MBNL2: variants seen among roughly 807,000 people sequenced by gnomAD.
The protein encoded by MBNL2 is muscleblind like splicing regulator 2.
Under a neutral mutation model 41.9 loss-of-function variants are expected in MBNL2, and 17 were observed. The ratio of observed to expected loss-of-function variants is 0.41; its 90% confidence interval spans 0.28 to 0.61. The LOEUF (loss-of-function observed/expected upper bound fraction) is 0.61. Among genes scored for constraint, MBNL2 ranks in the 20% least tolerant of loss-of-function variants. MBNL2 has a pLI of 0.35. For synonymous variants in MBNL2, 195 were observed against 182.9 expected (o/e 1.07, Z -0.53); for missense variants, 336 against 505.6 (o/e 0.66, Z 3.22).
At chr13:97,363,132 C>G (rs964877657) in intron 7 of MBNL2, 3 of 151,970 alleles carry the variant, frequency 2.0e-5, no homozygotes, top group African/African-American at 7.3e-5. Context: ...TGAGAAAGAT[C>G]AAAGTTTGTC....
At chr13:97,212,558 T>C in the MBNL2 span, among the ~76,000 whole-genome samples, 68 of 152,326 alleles carry the variant, frequency 4.5e-4, no homozygotes, top group African/African-American at 1.6e-3. Context: ...GGTGTCGCAG[T>C]AGAGAACATG....
chr13:97,207,906 T>A, the MBNL2 span, among the ~76,000 whole-genome samples: 3 of 152,196 alleles, frequency 2.0e-5, no homozygotes, highest in Non-Finnish European at 4.4e-5. Flanking sequence ...ACAAAGGGGC[T>A]ACAGGCCCCA....
At position 97,247,672 on chromosome 13, in the gene MBNL2, G is replaced by A. The variant is rs561165422; in HGVS notation, c.-605+25141G>A. Among the ~76,000 whole-genome samples, 464 of 152,248 alleles carry A rather than the reference G, an allele frequency of 3.0e-3. 2 individuals carry two copies. The highest frequency in any genetic ancestry group is 0.011 in the African/African-American group (439 of 41,536). ...AGAACTCTAATATTTTCTTTAGTGCGTTCATTAAACAGCTAAAAGAAAGCA... is the reference window on the plus strand; with the variant it reads ...AGAACTCTAATATTTTCTTTAGTGCATTCATTAAACAGCTAAAAGAAAGCA... On this transcript the variant is annotated intron_variant, in intron 1 of 8. Transcript: ENST00000679496.
intron 1 of MBNL2, among the ~76,000 whole-genome samples, chr13:97,226,115 T>A (rs73555734): frequency 6.6e-6 from 1 of 152,222 alleles, no homozygotes; most frequent in East Asian, 1.9e-4. Context: ...TGGCTGGGTC[T>A]GCATCAGGCC....
chr13:97,159,019 G>A, the MBNL2 span, among the ~76,000 whole-genome samples: 1 of 150,446 alleles, frequency 6.6e-6, no homozygotes, highest in Non-Finnish European at 1.5e-5. Context: ...CATTATTAAT[G>A]TGTGGGAGTC....
intron 2 of MBNL2, among the ~76,000 whole-genome samples, chr13:97,303,404 A>G (rs2057827530): frequency 6.6e-6 from 1 of 152,136 alleles, no homozygotes; most frequent in Admixed American, 6.5e-5. Flanking sequence ...GACCAGCAAA[A>G]TCATGGAGAA....
At chr13:97,273,291 A>C (rs2051465918) in intron 1 of MBNL2, among the ~76,000 whole-genome samples, 1 of 152,208 alleles carries the variant, frequency 6.6e-6, no homozygotes, top group Non-Finnish European at 1.5e-5. Context: ...GCAGGCAGAA[A>C]TATGTCCTTG....
intron 2 of MBNL2, among the ~76,000 whole-genome samples, chr13:97,308,528 G>T (rs1037226839): frequency 6.6e-6 from 1 of 152,180 alleles, no homozygotes; most frequent in African/African-American, 2.4e-5. Flanking sequence ...TAGTAAAAAT[G>T]ATGATGGCCC....
Position 97,393,770 on chromosome 13 carries a change from A to G in MBNL2, c.*2321A>G, listed in dbSNP as rs1413178667. The G allele has an allele frequency of 6.6e-6, 1 of 152,504 alleles. No individual in the cohort carries two copies. The highest frequency in any genetic ancestry group is 1.5e-5 in the Non-Finnish European group (1 of 67,970). 9.4% of individuals were successfully genotyped at this position (152,504 alleles called of 1,614,324 possible). A position where few individuals can be genotyped will look rare whatever the true frequency, so the allele number is the denominator to read the frequency against. On this transcript the variant is annotated 3_prime_UTR_variant, in exon 9 of 9. Coordinates refer to ENST00000679496, the MANE Select transcript of MBNL2 (RefSeq NM_001382683.1). ...TATATTCAGAAGTCTGACTATGATG[A>G]ATAAATCTTAAATGCTTTGTTTAAT...
At chr13:97,296,036 T>C (rs1320248717) in intron 2 of MBNL2, among the ~76,000 whole-genome samples, 1 of 152,198 alleles carries the variant, frequency 6.6e-6, no homozygotes, top group African/African-American at 2.4e-5. Flanking sequence ...ACATTAAATA[T>C]CTGCCAAGAT....
At chr13:97,168,001 T>G in the MBNL2 span, among the ~76,000 whole-genome samples, 2 of 152,332 alleles carry the variant, frequency 1.3e-5, no homozygotes, top group African/African-American at 4.8e-5. Context: ...GTTTGGCTCT[T>G]ATTTCCCAGG....
the MBNL2 span, among the ~76,000 whole-genome samples, chr13:97,178,461 G>A: frequency 6.6e-6 from 1 of 152,292 alleles, no homozygotes; most frequent in Non-Finnish European, 1.5e-5. Context: ...GAATATTTAA[G>A]TAAAAAATTG....
chr13:97,341,000 G>T (rs940425874), intron 3 of MBNL2, among the ~76,000 whole-genome samples: 3 of 152,182 alleles, frequency 2.0e-5, no homozygotes, highest in Admixed American at 6.5e-5. Flanking sequence ...AGCATCAAAT[G>T]ATCTGTGGGC....
At chr13:97,314,237 T>C (rs536111835) in intron 2 of MBNL2, among the ~76,000 whole-genome samples, 41 of 152,164 alleles carry the variant, frequency 2.7e-4, no homozygotes, top group Admixed American at 1.5e-3. Context: ...CTCACTCCTC[T>C]CCCCAGAAGC....
chr13:97,227,122 T>G (rs183171131), intron 1 of MBNL2, among the ~76,000 whole-genome samples: 2 of 152,218 alleles, frequency 1.3e-5, no homozygotes, highest in Admixed American at 1.3e-4. Flanking sequence ...ATTTGTTGGT[T>G]TTACCCTAAC....
At chr13:97,320,484 C>T (rs184118759) in intron 2 of MBNL2, among the ~76,000 whole-genome samples, 9 of 151,774 alleles carry the variant, frequency 5.9e-5, no homozygotes, top group East Asian at 2.0e-4. Flanking sequence ...TCTTGATCTC[C>T]GGACCTCATG....
the MBNL2 span, among the ~76,000 whole-genome samples, chr13:97,209,463 GAT>G: frequency 6.6e-6 from 1 of 152,196 alleles, no homozygotes; most frequent in African/African-American, 2.4e-5. Context: ...TGACTTCCCA[GAT>G]TGAGTGAGTA....
At chr13:97,233,067 T>C (rs191127532) in intron 1 of MBNL2, among the ~76,000 whole-genome samples, 77 of 144,522 alleles carry the variant, frequency 5.3e-4, no homozygotes, top group Admixed American at 4.8e-3. Flanking sequence ...CCTTTTTTCT[T>C]TGACTTCCCT....
chr13:97,341,157 T>C lies in MBNL2; in HGVS notation c.340-1859T>C, dbSNP rs2061410032. On this transcript the variant is annotated intron_variant, in intron 3 of 8. Coordinates refer to ENST00000679496, the MANE Select transcript of MBNL2 (RefSeq NM_001382683.1). ...TAATACTATTTTTACTCCTCACATATGACAATGCTCCCCAAATTTGGCCAT... is the reference window on the plus strand; with the variant it reads ...TAATACTATTTTTACTCCTCACATACGACAATGCTCCCCAAATTTGGCCAT... 2.0e-5 allele frequency among the ~76,000 whole-genome samples: 3 copies of C among 152,318 alleles called. 1 individual carries two copies. Among genetic ancestry groups the C allele is most frequent in the African/African-American group, 7.2e-5 (3 of 41,586 alleles).
Sources: allele counts gnomAD v4.1 joint callset (sites outside exome capture counted in the v4.1 genomes callset), GRCh38; gene constraint gnomAD v4.1.1; transcripts MANE v1.5; gene names NCBI Gene and HGNC (gene_info 2026-07-23, HGNC 2026-07-21).